The following CSMD1 variants were observed in gnomAD, a reference collection of about 807,000 sequenced individuals.
CSMD1 encodes CUB and sushi domain-containing protein 1.
A neutral mutation model predicts 417.5 loss-of-function variants in CSMD1; 213 were observed. The observed-to-expected ratio is 0.51, with a 90% CI of 0.46 to 0.57. CSMD1 has a LOEUF of 0.57. Ranked by LOEUF, CSMD1 falls within the 20% of genes least tolerant of loss-of-function variation. The pLI, the probability that CSMD1 is intolerant of heterozygous loss-of-function variation, is 0.00. For missense variants in CSMD1, 6,923 were observed against 4,529.7 expected (o/e 1.53, Z -15.17); for synonymous variants, 2,862 against 1,736.8 (o/e 1.65, Z -16.11).
At chr8:3,036,962 T>A (rs1384992349) in intron 50 of CSMD1, among the ~76,000 whole-genome samples, 1 of 152,170 alleles carries the variant, frequency 6.6e-6, no homozygotes. Context: ...CTTTTATCCC[T>A]CACCCATCTT....
At chr8:2,997,017 C>A (rs1806955705) in intron 54 of CSMD1, among the ~76,000 whole-genome samples, 1 of 152,228 alleles carries the variant, frequency 6.6e-6, no homozygotes, top group South Asian at 2.1e-4. Flanking sequence ...GGGTGGTTCC[C>A]TCCTCTGGTC....
intron 1 of CSMD1, among the ~76,000 whole-genome samples, chr8:4,928,044 A>G (rs956372495): frequency 5.9e-5 from 9 of 152,184 alleles, no homozygotes; most frequent in Admixed American, 3.3e-4. Flanking sequence ...TCCCTGATAC[A>G]GGATGCTCAC....
chr8:4,056,918 CT>C (rs1363435797), intron 3 of CSMD1, among the ~76,000 whole-genome samples: 3 of 152,190 alleles, frequency 2.0e-5, no homozygotes, highest in Non-Finnish European at 4.4e-5. Flanking sequence ...GCCACACTTT[CT>C]TAATCCAGTT....
At chr8:3,276,976 G>T (rs568604456) in intron 26 of CSMD1, among the ~76,000 whole-genome samples, 14 of 152,082 alleles carry the variant, frequency 9.2e-5, no homozygotes, top group African/African-American at 3.4e-4. Flanking sequence ...CATTGTGTTT[G>T]GGGACTGGAA....
At chr8:3,926,119 ACACACACACAC>A (rs1809705795) in intron 5 of CSMD1, among the ~76,000 whole-genome samples, 1 of 132,860 alleles carries the variant, frequency 7.5e-6, no homozygotes, top group Non-Finnish European at 1.6e-5. Context: ...ACACACACAC[ACACACACACAC>A]ACTTGTGGTG....
chr8:4,353,226 A>G (rs2128902523), intron 3 of CSMD1, among the ~76,000 whole-genome samples: 1 of 152,180 alleles, frequency 6.6e-6, no homozygotes, highest in South Asian at 2.1e-4. Context: ...AATCATGACG[A>G]CGGTTTCCCC....
At chr8:4,158,964 G>C (rs1487693098) in intron 3 of CSMD1, among the ~76,000 whole-genome samples, 1 of 152,112 alleles carries the variant, frequency 6.6e-6, no homozygotes, top group African/African-American at 2.4e-5. Context: ...TGCCCAGGTT[G>C]GAGTGCAGTG....
chr8:3,225,374 G>T (rs1798437316), intron 27 of CSMD1, among the ~76,000 whole-genome samples: 1 of 149,584 alleles, frequency 6.7e-6, no homozygotes, highest in African/African-American at 2.5e-5. Context: ...ATTAAAACTT[G>T]ATTTTCCCCA....
At chr8:4,155,053 G>T (rs1309794636) in intron 3 of CSMD1, among the ~76,000 whole-genome samples, 1 of 152,174 alleles carries the variant, frequency 6.6e-6, no homozygotes, top group Non-Finnish European at 1.5e-5. Context: ...TGCAGAATTT[G>T]TCCTGTTCCA....
chr8:3,708,595 C>T (rs1220054321), intron 6 of CSMD1, 104 bp from the exon 7 acceptor site: 1 of 865,314 alleles, frequency 1.2e-6, no homozygotes, highest in African/African-American at 1.7e-5. Flanking sequence ...CTATCAACCC[C>T]CGAAAATGGG....
intron 7 of CSMD1, among the ~76,000 whole-genome samples, chr8:3,672,118 G>C (rs570551364): frequency 2.6e-5 from 4 of 152,252 alleles, no homozygotes; most frequent in African/African-American, 9.6e-5. Context: ...TCAAGGTTAG[G>C]TGCTGTCTAC....
chr8:3,095,004 C>A (rs959588825), intron 47 of CSMD1, among the ~76,000 whole-genome samples: 6 of 152,058 alleles, frequency 3.9e-5, no homozygotes, highest in African/African-American at 1.4e-4. Context: ...TTGTCTCTAA[C>A]GTATTTTACC....
At chr8:4,736,065 C>T (rs978762621) in intron 1 of CSMD1, among the ~76,000 whole-genome samples, 3 of 152,174 alleles carry the variant, frequency 2.0e-5, no homozygotes, top group Non-Finnish European at 4.4e-5. Context: ...CTGTGTTAGC[C>T]TTCATGAATA....
intron 3 of CSMD1, among the ~76,000 whole-genome samples, chr8:4,166,927 G>T (rs1396156460): frequency 1.3e-5 from 2 of 152,198 alleles, no homozygotes; most frequent in African/African-American, 4.8e-5. Flanking sequence ...TCAGCAGCCA[G>T]GTGGGGTCAG....
chr8:4,028,657 G>C (rs1347059091), intron 4 of CSMD1, among the ~76,000 whole-genome samples: 1 of 152,042 alleles, frequency 6.6e-6, no homozygotes, highest in Non-Finnish European at 1.5e-5. Flanking sequence ...CTTGTGTTTG[G>C]GTCATAACAT....
At chr8:3,535,431 C>G (rs1798155615) in intron 10 of CSMD1, among the ~76,000 whole-genome samples, 1 of 152,120 alleles carries the variant, frequency 6.6e-6, no homozygotes, top group Non-Finnish European at 1.5e-5. Context: ...GGTCTTCCCT[C>G]CGGTTCCATC....
At chr8:3,409,760 T>A (rs747191368) in intron 12 of CSMD1, among the ~76,000 whole-genome samples, 155 bp from the exon 13 acceptor site, 1 of 152,236 alleles carries the variant, frequency 6.6e-6, no homozygotes, top group Non-Finnish European at 1.5e-5. Context: ...ATCTTAAATT[T>A]AATTTCAAAT....
chr8:3,719,917 G>A (rs1802054319), intron 6 of CSMD1, among the ~76,000 whole-genome samples: 4 of 152,126 alleles, frequency 2.6e-5, no homozygotes, highest in Non-Finnish European at 5.9e-5. Context: ...GGTTAAAAAT[G>A]CCTCTAAATC....
At chr8:4,633,776 G>T (rs528143867) in intron 2 of CSMD1, among the ~76,000 whole-genome samples, 2 of 151,748 alleles carry the variant, frequency 1.3e-5, no homozygotes, top group Admixed American at 1.3e-4. Context: ...GCCAAGGATG[G>T]TCTCAAACTC....
Sources: gnomAD v4.1 joint callset for allele counts (sites outside exome capture counted in the v4.1 genomes callset) on GRCh38, gnomAD v4.1.1 for gene constraint, MANE v1.5 for transcripts, NCBI Gene and HGNC (gene_info 2026-07-23, HGNC 2026-07-21) for gene names.